Variants in CCDC91 observed in about 807,000 individuals in gnomAD.
The protein encoded by CCDC91 is coiled-coil domain containing 91.
A neutral mutation model predicts 63.2 loss-of-function variants in CCDC91; 48 were observed. The ratio of observed to expected loss-of-function variants is 0.76; its 90% CI spans 0.60 to 0.97. CCDC91 has a LOEUF of 0.97. Among genes scored for constraint, CCDC91 ranks in the 50% least tolerant of loss-of-function variants. CCDC91 has a pLI of 0.00. For missense variants in CCDC91, 500 were observed against 494.6 expected, an observed-to-expected ratio of 1.01 and a Z score of -0.10; for synonymous variants, 167 against 165.8, an observed-to-expected ratio of 1.01 and a Z score of -0.06.
At chr12:28,304,690 C>T (rs1938518195) in intron 3 of CCDC91, 1 of 1,259,140 alleles carries the variant, frequency 7.9e-7, no homozygotes, top group African/African-American at 1.5e-5. Context: ...ACTGAAGTTG[C>T]TGATGCCAAT....
intron 3 of CCDC91, chr12:28,268,819 C>A: frequency 9.9e-6 from 2 of 203,018 alleles, no homozygotes; most frequent in Non-Finnish European, 1.7e-5. Flanking sequence ...TGAATCTGAC[C>A]TCAAGTGTCT....
intron 12 of CCDC91, among the ~76,000 whole-genome samples, chr12:28,540,056 T>C (rs1465915416): frequency 6.6e-6 from 1 of 152,118 alleles, no homozygotes; most frequent in Non-Finnish European, 1.5e-5. Flanking sequence ...AGTTAGCCAG[T>C]TTTATCAGTA....
chr12:28,247,968 G>A (rs1423140146), intron 1 of CCDC91, among the ~76,000 whole-genome samples: 2 of 152,194 alleles, frequency 1.3e-5, no homozygotes, highest in African/African-American at 4.8e-5. Flanking sequence ...AGGAGGCAGA[G>A]CTCAGGTGGT....
chr12:28,397,514 A>C (rs1946365070), intron 8 of CCDC91, among the ~76,000 whole-genome samples: 1 of 152,104 alleles, frequency 6.6e-6, no homozygotes, highest in African/African-American at 2.4e-5. Context: ...AAAAAAATTG[A>C]TGGAGTGGAG....
chr12:28,509,743 T>G (rs1339791277), intron 12 of CCDC91, among the ~76,000 whole-genome samples: 1 of 151,932 alleles, frequency 6.6e-6, no homozygotes, highest in Non-Finnish European at 1.5e-5. Flanking sequence ...TCTTCAGCGC[T>G]GATGATTATG....
Position 28,225,200 on chromosome 12 carries a change from G to A in CCDC91, c.-14-32002G>A, listed in dbSNP as rs116890119. Among the ~76,000 whole-genome samples, 309 of 152,222 alleles carry A rather than the reference G, an allele frequency of 2.0e-3. 1 individual carries two copies. The highest frequency in any genetic ancestry group is 3.4e-3 in the Non-Finnish European group (234 of 68,014). ...CATTGTATTTTTGCAATATAAAATTGGAGTGATGAGAGAAAACTTATAAAT... is the reference window on the plus strand; with the variant it reads ...CATTGTATTTTTGCAATATAAAATTAGAGTGATGAGAGAAAACTTATAAAT... On this transcript the variant is annotated intron_variant, in intron 1 of 12. Coordinates refer to ENST00000536442, the MANE Select transcript of CCDC91 (RefSeq NM_018318.5).
intron 8 of CCDC91, among the ~76,000 whole-genome samples, chr12:28,411,840 G>A (rs1169653759): frequency 1.3e-5 from 2 of 152,134 alleles, no homozygotes; most frequent in Non-Finnish European, 2.9e-5. Context: ...TGAAAAGAGT[G>A]ACACCTCAAG....
chr12:28,326,603 A>G (rs1334638194), intron 6 of CCDC91, among the ~76,000 whole-genome samples: 2 of 128,804 alleles, frequency 1.6e-5, no homozygotes, highest in Non-Finnish European at 3.1e-5. Flanking sequence ...TCCTGTGTCC[A>G]TGTGTTCTCA....
At chr12:28,509,773 A>C (rs999800804) in intron 12 of CCDC91, among the ~76,000 whole-genome samples, 1 of 151,854 alleles carries the variant, frequency 6.6e-6, no homozygotes, top group Non-Finnish European at 1.5e-5. Flanking sequence ...GAGTGGGGAG[A>C]AGAAGGAAAC....
chr12:28,531,370 G>T (rs889614599), intron 12 of CCDC91, among the ~76,000 whole-genome samples: 8 of 152,022 alleles, frequency 5.3e-5, no homozygotes, highest in Admixed American at 3.9e-4. Context: ...ATTTCAAAAC[G>T]TATGTAATTT....
chr12:28,208,740 C>T (rs1565613597), intron 1 of CCDC91, among the ~76,000 whole-genome samples: 4 of 152,140 alleles, frequency 2.6e-5, no homozygotes, highest in African/African-American at 9.7e-5. Context: ...ACTTTTGTCT[C>T]TTGTCTTTCC....
intron 11 of CCDC91, among the ~76,000 whole-genome samples, chr12:28,469,785 A>G (rs1031481543): frequency 6.6e-6 from 1 of 152,120 alleles, no homozygotes; most frequent in African/African-American, 2.4e-5. Context: ...ACAAAGCCAC[A>G]CACCCACAGT....
At chr12:28,334,416 CT>C (rs1314980127) in intron 6 of CCDC91, among the ~76,000 whole-genome samples, 2 of 152,100 alleles carry the variant, frequency 1.3e-5, no homozygotes, top group Non-Finnish European at 2.9e-5. Context: ...GTAAAAACCT[CT>C]TTTCTCTAAA....
At chr12:28,270,970 A>G (rs534843974) in intron 3 of CCDC91, among the ~76,000 whole-genome samples, 5 of 152,294 alleles carry the variant, frequency 3.3e-5, no homozygotes, top group Admixed American at 3.3e-4. Flanking sequence ...CTAGTAAGGT[A>G]CACCGAAATT....
chr12:28,471,140 G>A (rs1025609982), intron 11 of CCDC91, among the ~76,000 whole-genome samples: 6 of 152,240 alleles, frequency 3.9e-5, no homozygotes, highest in African/African-American at 1.4e-4. Flanking sequence ...TTTCTAGATA[G>A]ACCTGTAACT....
At chr12:28,209,467 C>A (rs1565614708) in intron 1 of CCDC91, among the ~76,000 whole-genome samples, 1 of 152,034 alleles carries the variant, frequency 6.6e-6, no homozygotes, top group Admixed American at 6.6e-5. Flanking sequence ...TTTTTTGAGA[C>A]AGAGTTTCAC....
chr12:28,434,739 T>C, intron 8 of CCDC91, among the ~76,000 whole-genome samples: 1 of 151,298 alleles, frequency 6.6e-6, no homozygotes, highest in Non-Finnish European at 1.5e-5. Context: ...TTTGATAGAA[T>C]TCACCAAACC....
intron 8 of CCDC91, among the ~76,000 whole-genome samples, chr12:28,425,764 G>GT (rs1948280051): frequency 1.3e-5 from 2 of 152,180 alleles, no homozygotes; most frequent in South Asian, 4.1e-4. Context: ...GCAGGCTTCA[G>GT]TATCAGCATC....
At chr12:28,257,052 G>A (rs1946502258) in intron 1 of CCDC91, 150 bp from the exon 2 acceptor site, 2 of 508,042 alleles carry the variant, frequency 3.9e-6, no homozygotes, top group African/African-American at 2.0e-5. Context: ...AAAAGTAAAA[G>A]CCAATTGCAA....
Sources: allele counts gnomAD v4.1 joint callset (sites outside exome capture counted in the v4.1 genomes callset), GRCh38; gene constraint gnomAD v4.1.1; transcripts MANE v1.5; gene names NCBI Gene and HGNC (gene_info 2026-07-23, HGNC 2026-07-21).